Variants in CNTNAP2 observed in about 807,000 individuals in gnomAD.
The protein encoded by CNTNAP2 is contactin associated protein 2.
CNTNAP2 carries 98 observed loss-of-function variants against 155.2 expected under a neutral mutation model. The ratio of observed to expected loss-of-function variants is 0.63; its 90% CI spans 0.54 to 0.75. The LOEUF (loss-of-function observed/expected upper bound fraction) is 0.75. CNTNAP2 is among the 30% of genes least tolerant of loss of function. The pLI is 0.00. For synonymous variants in CNTNAP2, 651 were observed against 631.2 expected (o/e 1.03, Z -0.47); for missense variants, 1,727 against 1,688.1 (o/e 1.02, Z -0.40).
intron 4 of CNTNAP2, among the ~76,000 whole-genome samples, chr7:147,088,411 A>G (rs1487308333): frequency 6.6e-6 from 1 of 152,214 alleles, no homozygotes; most frequent in Non-Finnish European, 1.5e-5. Context: ...TTAAAGTTGC[A>G]AAGCTCCTTT....
intron 1 of CNTNAP2, among the ~76,000 whole-genome samples, chr7:146,379,664 T>C (rs1373729240): frequency 6.6e-6 from 1 of 152,172 alleles, no homozygotes; most frequent in African/African-American, 2.4e-5. Context: ...TGTCATCTTG[T>C]GGACATTACA....
At chr7:146,207,575 G>A (rs1255983886) in intron 1 of CNTNAP2, among the ~76,000 whole-genome samples, 1 of 145,812 alleles carries the variant, frequency 6.9e-6, no homozygotes, top group African/African-American at 2.5e-5. Context: ...TCATAACAAT[G>A]TGTTAGACAA....
At chr7:146,233,164 C>CA (rs1247851428) in intron 1 of CNTNAP2, among the ~76,000 whole-genome samples, 5 of 146,138 alleles carry the variant, frequency 3.4e-5, no homozygotes, top group Admixed American at 7.0e-5. Flanking sequence ...AAGAAAAATC[C>CA]AAAAAAAAGT....
At chr7:146,851,394 T>C (rs1218303819) in intron 3 of CNTNAP2, among the ~76,000 whole-genome samples, 3 of 152,146 alleles carry the variant, frequency 2.0e-5, no homozygotes, top group African/African-American at 7.2e-5. Flanking sequence ...TGTTGCTGTT[T>C]TCAATTTTTA....
chr7:146,970,793 A>G (rs1273566419), intron 3 of CNTNAP2, among the ~76,000 whole-genome samples: 2 of 152,210 alleles, frequency 1.3e-5, no homozygotes, highest in African/African-American at 4.8e-5. Flanking sequence ...TCACAAAATC[A>G]AAGACTTGGA....
chr7:146,383,091 T>A (rs935508917), intron 1 of CNTNAP2, among the ~76,000 whole-genome samples: 2 of 152,164 alleles, frequency 1.3e-5, no homozygotes, highest in Admixed American at 1.3e-4. Flanking sequence ...TAATTTAGTA[T>A]CATGGAAACA....
Position 146,202,383 on chromosome 7 carries a change from G to A in CNTNAP2, c.97+85410G>A, listed in dbSNP as rs1351316446. Among the ~76,000 whole-genome samples, 3 of 152,172 alleles carry A rather than the reference G, an allele frequency of 2.0e-5. No homozygotes were observed. In the East Asian group the frequency reaches 5.8e-4, roughly 29 times the overall value. On this transcript the variant is annotated intron_variant, in intron 1 of 23. Transcript: ENST00000361727. ...TAAAACTAGATCAGTCGTCTCTTGA[G>A]TGAATTTCTCAGATTTAGTTGTAGA... is the stretch of plus-strand genomic sequence containing the variant.
intron 1 of CNTNAP2, among the ~76,000 whole-genome samples, chr7:146,541,275 A>G (rs902433399): frequency 2.0e-5 from 3 of 152,022 alleles, no homozygotes; most frequent in African/African-American, 7.2e-5. Flanking sequence ...CTCATAAAGG[A>G]TTTCCTAAAC....
chr7:146,465,132 C>T (rs1290481982), intron 1 of CNTNAP2, among the ~76,000 whole-genome samples: 2 of 151,950 alleles, frequency 1.3e-5, no homozygotes, highest in African/African-American at 4.8e-5. Flanking sequence ...TACACACACA[C>T]ACCACACACA....
At chr7:147,866,877 G>A (rs1283328987) in intron 13 of CNTNAP2, among the ~76,000 whole-genome samples, 1 of 151,968 alleles carries the variant, frequency 6.6e-6, no homozygotes, top group Non-Finnish European at 1.5e-5. Flanking sequence ...AATACAGCAC[G>A]CTGATAGGTC....
In CNTNAP2 at chr7:146,304,451, G is replaced by A. The variant is rs188411457; in HGVS notation, c.97+187478G>A. Among the ~76,000 whole-genome samples the A allele has an allele frequency of 1.4e-3, 215 of 152,102 alleles. 2 individuals carry two copies. Among genetic ancestry groups the A allele is most frequent in the African/African-American group, 5.0e-3 (207 of 41,526 alleles). On this transcript the variant is annotated intron_variant, in intron 1 of 23. Transcript: ENST00000361727. ...TTTAGTGCTTCCTTCAGGAGCTCTT[G>A]TAAGGCAGGCCTGGTGGTGACAAAA...
At chr7:146,211,380 T>G (rs947582328) in intron 1 of CNTNAP2, among the ~76,000 whole-genome samples, 5 of 152,208 alleles carry the variant, frequency 3.3e-5, no homozygotes, top group Admixed American at 2.6e-4. Flanking sequence ...TTCTTAATCA[T>G]TACCTTGATG....
At chr7:147,580,405 A>G in intron 12 of CNTNAP2, among the ~76,000 whole-genome samples, 1 of 152,152 alleles carries the variant, frequency 6.6e-6, no homozygotes. Context: ...GAGAATATTA[A>G]TTACCTAGTC....
At chr7:146,947,553 G>GTATATATATA (rs767656171) in intron 3 of CNTNAP2, among the ~76,000 whole-genome samples, 31 of 104,798 alleles carry the variant, frequency 3.0e-4, no homozygotes, top group South Asian at 6.3e-4. Context: ...ATGTGTGTGT[G>GTATATATATA]TGTGTATATA....
intron 12 of CNTNAP2, among the ~76,000 whole-genome samples, chr7:147,612,400 T>C (rs1209988431): frequency 6.7e-6 from 1 of 149,716 alleles, no homozygotes; most frequent in East Asian, 1.9e-4. Flanking sequence ...TAATTTTCTT[T>C]CTTTTTTTTT....
chr7:146,918,650 A>G (rs369665447), intron 3 of CNTNAP2, among the ~76,000 whole-genome samples: 14 of 152,290 alleles, frequency 9.2e-5, no homozygotes, highest in African/African-American at 2.9e-4. Flanking sequence ...CCTGATGACA[A>G]TGTGCCTAGG....
chr7:146,889,988 T>G (rs370180931), intron 3 of CNTNAP2, among the ~76,000 whole-genome samples: 21 of 152,270 alleles, frequency 1.4e-4, no homozygotes, highest in African/African-American at 4.8e-4. Context: ...GCCAAGCGTC[T>G]ATCACTTGGG....
chr7:147,422,350 A>C (rs1221573572), intron 10 of CNTNAP2, among the ~76,000 whole-genome samples: 1 of 151,150 alleles, frequency 6.6e-6, no homozygotes, highest in African/African-American at 2.4e-5. Flanking sequence ...TTTATACACT[A>C]TGTATGTGTA....
At position 146,479,031 on chromosome 7, in the gene CNTNAP2, G is replaced by T. The variant is rs776776357; in HGVS notation, c.98-295240G>T. 5.9e-5 allele frequency among the ~76,000 whole-genome samples: 9 copies of T among 152,040 alleles called. 1 individual carries two copies. The highest frequency in any genetic ancestry group is 1.2e-4 in the Non-Finnish European group (8 of 67,996). ...AGTATTGAAGTAGGAAAAAAATAAC[G>T]TTGATACAATAAAAGAACTTATTTC... On this transcript the variant is annotated intron_variant, in intron 1 of 23. Coordinates refer to ENST00000361727, the MANE Select transcript of CNTNAP2 (RefSeq NM_014141.6).
Sources: allele counts gnomAD v4.1 joint callset (sites outside exome capture counted in the v4.1 genomes callset), GRCh38; gene constraint gnomAD v4.1.1; transcripts MANE v1.5; gene names NCBI Gene and HGNC (gene_info 2026-07-23, HGNC 2026-07-21).